STAU2: variants seen among roughly 807,000 people sequenced by gnomAD.
The protein encoded by STAU2 is double-stranded RNA-binding protein Staufen homolog 2.
STAU2 carries 20 observed loss-of-function variants against 65.9 expected under a neutral mutation model. That is an observed-to-expected ratio of 0.30 (90% CI 0.21 to 0.44). The LOEUF (loss-of-function observed/expected upper bound fraction) is 0.44. Among genes scored for constraint, STAU2 ranks in the 20% least tolerant of loss-of-function variants. The pLI, the probability that STAU2 is intolerant of heterozygous loss-of-function variation, is 1.00. For synonymous variants in STAU2, 232 were observed against 233.9 expected (o/e 0.99, Z 0.07); for missense variants, 558 against 683.9 (o/e 0.82, Z 2.05).
At chr8:73,654,637 CAAAAAAAAAAAAAAA>C (rs71269928) in intron 6 of STAU2, among the ~76,000 whole-genome samples, 26 of 26,312 alleles carry the variant, frequency 9.9e-4, no homozygotes, top group African/African-American at 3.2e-3. Context: ...AAGATTGTCT[CAAAAAAAAAAAAAAA>C]AAAAAAAAAG....
intron 12 of STAU2, among the ~76,000 whole-genome samples, chr8:73,558,908 A>G (rs1807985054): frequency 6.6e-6 from 1 of 152,222 alleles, no homozygotes; most frequent in Non-Finnish European, 1.5e-5. Context: ...ATCCAATAAT[A>G]CTCAGGCCCA....
intron 10 of STAU2, among the ~76,000 whole-genome samples, chr8:73,596,097 A>G (rs1811163550): frequency 6.6e-6 from 1 of 151,232 alleles, no homozygotes. Flanking sequence ...GGGGCCACAG[A>G]GCAATACTCC....
At chr8:73,693,211 C>T (rs1333633540) in intron 4 of STAU2, among the ~76,000 whole-genome samples, 4 of 150,824 alleles carry the variant, frequency 2.7e-5, no homozygotes, top group East Asian at 3.9e-4. Context: ...CGGTGGCTCA[C>T]GCCTGTAATC....
At chr8:73,425,974 G>C (rs1280644982) in intron 13 of STAU2, among the ~76,000 whole-genome samples, 1 of 152,112 alleles carries the variant, frequency 6.6e-6, no homozygotes, top group Non-Finnish European at 1.5e-5. Flanking sequence ...TGTACTTTTA[G>C]TAGAGACAGG....
At chr8:73,570,857 A>G (rs1475188691) in intron 12 of STAU2, among the ~76,000 whole-genome samples, 3 of 152,244 alleles carry the variant, frequency 2.0e-5, no homozygotes, top group Non-Finnish European at 4.4e-5. Flanking sequence ...ACTAAGCTTC[A>G]TAAGTGAAGG....
intron 10 of STAU2, among the ~76,000 whole-genome samples, chr8:73,599,610 A>G (rs758046581): frequency 2.0e-4 from 30 of 152,278 alleles, no homozygotes; most frequent in Non-Finnish European, 4.0e-4. Context: ...CTCTAACCAT[A>G]CTTTTCTTTT....
chr8:73,654,535 G>C (rs1052279881), intron 6 of STAU2, among the ~76,000 whole-genome samples: 2 of 147,946 alleles, frequency 1.4e-5, no homozygotes, highest in African/African-American at 2.5e-5. Context: ...AACTACTAGA[G>C]AGACTGAGGT....
chr8:73,722,267 C>T (rs750716588), intron 3 of STAU2, among the ~76,000 whole-genome samples: 12 of 152,088 alleles, frequency 7.9e-5, no homozygotes, highest in Non-Finnish European at 1.6e-4. Context: ...AATATTTTTG[C>T]TTTAAGCAGT....
chr8:73,698,497 C>T (rs1819838899), intron 4 of STAU2, among the ~76,000 whole-genome samples: 1 of 151,962 alleles, frequency 6.6e-6, no homozygotes, highest in African/African-American at 2.4e-5. Context: ...GCAGACACAG[C>T]TATACTCATA....
At chr8:73,648,528 T>C (rs544653865) in intron 6 of STAU2, among the ~76,000 whole-genome samples, 5 of 152,340 alleles carry the variant, frequency 3.3e-5, no homozygotes, top group African/African-American at 7.2e-5. Context: ...CTACACACAG[T>C]AGACTACATA....
At chr8:73,451,300 A>C (rs1818785048) in intron 13 of STAU2, among the ~76,000 whole-genome samples, 1 of 152,062 alleles carries the variant, frequency 6.6e-6, no homozygotes, top group Admixed American at 6.6e-5. Context: ...AGTGCACTTA[A>C]TGTCTTTCCA....
intron 3 of STAU2, among the ~76,000 whole-genome samples, chr8:73,737,565 C>CT (rs538636180): frequency 0.22 from 31,164 of 141,490 alleles, 3,587 homozygotes; most frequent in East Asian, 0.36. Context: ...TGTTTCTTTC[C>CT]TTTTTTTTTT....
chr8:73,738,461 A>C lies in STAU2; in HGVS notation c.-83-112T>G, dbSNP rs1443116950. 6 of 748,050 alleles carry C rather than the reference A, an allele frequency of 8.0e-6. No homozygotes were observed. The African/African-American group carries it at 1.1e-4, about 13-fold the overall frequency. The allele number at this position is 748,050 out of a possible 1,614,324, so 46.3% of individuals were successfully genotyped here. On this transcript the variant is annotated intron_variant, in intron 2 of 14. Transcript: ENST00000524300. ...CAAATATAAAATGTAATTTATCCAGATCTCCATAGAACTTTCTATGATGAT... is the reference window on the plus strand; with the variant it reads ...CAAATATAAAATGTAATTTATCCAGCTCTCCATAGAACTTTCTATGATGAT...
chr8:73,667,206 T>C (rs1208193039), intron 6 of STAU2, among the ~76,000 whole-genome samples: 2 of 152,168 alleles, frequency 1.3e-5, no homozygotes, highest in Non-Finnish European at 1.5e-5. Flanking sequence ...ATGCCTGAAT[T>C]ACAACAACAT....
intron 13 of STAU2, chr8:73,527,843 C>T (rs1223385320): frequency 1.4e-6 from 2 of 1,443,204 alleles, no homozygotes; most frequent in South Asian, 2.5e-5. Context: ...ACACCATTTT[C>T]AGAGGGGACA....
At chr8:73,496,869 C>T (rs987740046) in intron 13 of STAU2, among the ~76,000 whole-genome samples, 8 of 151,576 alleles carry the variant, frequency 5.3e-5, no homozygotes, top group Non-Finnish European at 1.2e-4. Context: ...CCACATGTGG[C>T]TAATGGTTAA....
chr8:73,514,447 A>T (rs1262693175), intron 13 of STAU2, among the ~76,000 whole-genome samples: 1 of 152,192 alleles, frequency 6.6e-6, no homozygotes, highest in Non-Finnish European at 1.5e-5. Flanking sequence ...GAATGTATTC[A>T]ACTGCCTTGA....
At chr8:73,463,447 T>C (rs1323124130) in intron 13 of STAU2, among the ~76,000 whole-genome samples, 3 of 152,260 alleles carry the variant, frequency 2.0e-5, no homozygotes, top group Non-Finnish European at 1.5e-5. Flanking sequence ...TACTTGTTCA[T>C]AAAGGATACT....
chr8:73,463,099 T>C (rs995225090), intron 13 of STAU2, among the ~76,000 whole-genome samples: 16 of 152,242 alleles, frequency 1.1e-4, no homozygotes, highest in African/African-American at 3.9e-4. Context: ...GTTTGACCCC[T>C]GGCTGTGTGA....
Sources: gnomAD v4.1 joint callset for allele counts (sites outside exome capture counted in the v4.1 genomes callset) on GRCh38, gnomAD v4.1.1 for gene constraint, MANE v1.5 for transcripts, NCBI Gene and HGNC (gene_info 2026-07-23, HGNC 2026-07-21) for gene names.